Variants in PKD1L1 observed in about 807,000 individuals in gnomAD.
PKD1L1 encodes the protein polycystin 1 like 1, transient receptor potential channel interacting, also known as polycystin-1-like protein 1.
Under a neutral mutation model 323.4 loss-of-function variants are expected in PKD1L1, and 236 were observed. The observed-to-expected ratio is 0.73, with a 90% CI of 0.66 to 0.81. PKD1L1 has a LOEUF of 0.81. Among genes scored for constraint, PKD1L1 ranks in the 40% least tolerant of loss-of-function variants. The pLI, the probability that PKD1L1 is intolerant of heterozygous loss-of-function variation, is 0.00. For missense variants in PKD1L1, 3,320 were observed against 3,508.0 expected (o/e 0.95, Z 1.35); for synonymous variants, 1,344 against 1,335.0 (o/e 1.01, Z -0.15).
At chr7:47,880,836 A>C (rs773135895) in intron 20 of PKD1L1, 31 bp from the exon 21 acceptor site, 2 of 1,566,518 alleles carry the variant, frequency 1.3e-6, no homozygotes, top group Middle Eastern at 1.7e-4. Context: ...CATGGAAATG[A>C]CAGTCAGTGG....
intron 41 of PKD1L1, among the ~76,000 whole-genome samples, chr7:47,832,359 G>A (rs1361164841): frequency 6.6e-6 from 1 of 152,224 alleles, no homozygotes. Context: ...ATCTACTGCT[G>A]ATACTTGTGC....
chr7:47,885,580 GC>G, intron 18 of PKD1L1, 105 bp downstream of exon 18: 3 of 1,418,986 alleles, frequency 2.1e-6, no homozygotes, highest in Non-Finnish European at 1.9e-6. Flanking sequence ...TGATTTAAAG[GC>G]CCATGTTGAT....
intron 10 of PKD1L1, among the ~76,000 whole-genome samples, 179 bp from the exon 11 acceptor site, chr7:47,905,504 C>T (rs1452122356): frequency 2.0e-5 from 3 of 152,188 alleles, no homozygotes; most frequent in African/African-American, 7.2e-5. Flanking sequence ...GCAGTGCTGG[C>T]CCTGGTTCAA....
intron 40 of PKD1L1, among the ~76,000 whole-genome samples, chr7:47,833,969 C>T (rs1785402401): frequency 6.6e-6 from 1 of 152,202 alleles, no homozygotes; most frequent in Non-Finnish European, 1.5e-5. Flanking sequence ...AGCAATCACC[C>T]CGAGCCTTGC....
chr7:47,831,453 C>A, intron 41 of PKD1L1, 101 bp from the exon 42 acceptor site: 2 of 1,428,800 alleles, frequency 1.4e-6, no homozygotes, highest in South Asian at 1.5e-5. Flanking sequence ...TAGGCTGGGT[C>A]GTAGGGTGCC....
intron 15 of PKD1L1, among the ~76,000 whole-genome samples, chr7:47,892,458 C>T (rs375403387): frequency 2.6e-5 from 4 of 152,006 alleles, no homozygotes; most frequent in African/African-American, 7.3e-5. Flanking sequence ...ACTGTGAGGA[C>T]GTTGGCTTTT....
intron 21 of PKD1L1, among the ~76,000 whole-genome samples, chr7:47,879,849 C>T (rs1461082865): frequency 1.4e-4 from 18 of 128,648 alleles, no homozygotes; most frequent in Non-Finnish European, 1.9e-4. Context: ...AGGAGAATGG[C>T]GTGAACCTGG....
intron 18 of PKD1L1, 40 bp from the exon 19 acceptor site, chr7:47,884,697 C>A: frequency 6.5e-7 from 1 of 1,546,160 alleles, no homozygotes; most frequent in South Asian, 1.1e-5. Context: ...CCTTTAAAAT[C>A]ACAGAATCCC....
At chr7:47,937,729 G>A (rs1479829465) in intron 3 of PKD1L1, among the ~76,000 whole-genome samples, 7 of 152,152 alleles carry the variant, frequency 4.6e-5, no homozygotes, top group South Asian at 2.1e-4. Context: ...GACTGGAAGT[G>A]AGATGGAGCC....
In PKD1L1 at chr7:47,839,704, G is replaced by A. The variant is rs1238927666; in HGVS notation, c.5553-42C>T. ...CAGCATCTCAGCCGGGTGGGTGACAGTGTGGTCCTGGCATCCCATCAGCCC... is the reference window on the plus strand; with the variant it reads ...CAGCATCTCAGCCGGGTGGGTGACAATGTGGTCCTGGCATCCCATCAGCCC... On this transcript the variant is annotated intron_variant, in intron 35 of 56. Transcript: ENST00000289672. The surrounding 1 kb of genome is among the most constrained non-coding windows in gnomAD (Gnocchi z 4.3). 7 of 1,534,234 alleles carry A rather than the reference G, an allele frequency of 4.6e-6. No homozygotes were observed. Among genetic ancestry groups the A allele is most frequent in the African/African-American group, 1.4e-5 (1 of 72,992 alleles).
intron 54 of PKD1L1, among the ~76,000 whole-genome samples, chr7:47,798,769 AAAAAAC>A (rs1784598346): frequency 3.7e-5 from 5 of 136,234 alleles, no homozygotes; most frequent in Admixed American, 3.0e-4. Context: ...AAAAAAAACA[AAAAAAC>A]CAAAAACAAA....
the PKD1L1 span, among the ~76,000 whole-genome samples, chr7:47,957,862 A>AAT: frequency 2.2e-4 from 30 of 134,664 alleles, no homozygotes; most frequent in Non-Finnish European, 3.0e-4. Context: ...ATTAAAAAAA[A>AAT]ATATATATAT....
chr7:47,873,565 T>G (rs973905159), intron 24 of PKD1L1, among the ~76,000 whole-genome samples: 9 of 148,934 alleles, frequency 6.0e-5, no homozygotes, highest in African/African-American at 2.2e-4. Context: ...GAGAATCACT[T>G]GAACCCGGGA....
rs763941058 is a variant in PKD1L1, at chr7:47,792,684, C to T, written c.8469G>A (p.Gly2823=). ...PLLEKTSNNT[G]EARTEESPLV... ...AGGGACTCTCTTCTGTCCTTGCCTCCCCTGTGTTGTTGGATGTTTTTTCCA... is the reference window on the plus strand; with the variant it reads ...AGGGACTCTCTTCTGTCCTTGCCTCTCCTGTGTTGTTGGATGTTTTTTCCA... The change falls in exon 56 of 57, where the codon GGG becomes GGA. Residue 2823 remains glycine (G), a synonymous_variant. Coordinates refer to ENST00000289672, the MANE Select transcript of PKD1L1 (RefSeq NM_138295.5). 1.7e-5 allele frequency: 28 copies of T among 1,613,908 alleles called. No homozygotes were observed. The highest frequency in any genetic ancestry group is 2.3e-5 in the Non-Finnish European group (27 of 1,179,980).
intron 21 of PKD1L1, among the ~76,000 whole-genome samples, chr7:47,880,035 G>A (rs1315352455): frequency 2.0e-5 from 3 of 151,238 alleles, no homozygotes; most frequent in South Asian, 2.1e-4. Flanking sequence ...TCTGCAAAAC[G>A]ATGATCTCAG....
intron 48 of PKD1L1, chr7:47,813,536 A>G: frequency 1.5e-6 from 1 of 688,232 alleles, no homozygotes; most frequent in South Asian, 1.5e-5. Context: ...TAAGGCTTAG[A>G]CCACTTGAAG....
chr7:47,836,979 GAGA>G lies in PKD1L1; in HGVS notation c.5882_5884del (p.Phe1961del). The stretch of plus-strand genomic sequence containing the variant: ...GAGACACGCGTAGACGCACAGCAGG[GAGA>G]AGGACACGGTGAGGCGCGGCGTGTG... On this transcript the variant is annotated inframe_deletion, in exon 37 of 57. Transcript: ENST00000289672. 6 of 1,614,250 alleles carry G rather than the reference GAGA, an allele frequency of 3.7e-6. No individual in the cohort carries two copies. The highest frequency in any genetic ancestry group is 5.1e-6 in the Non-Finnish European group (6 of 1,180,050).
At chr7:47,899,759 A>G (rs752827932) in intron 13 of PKD1L1, among the ~76,000 whole-genome samples, 1 of 152,100 alleles carries the variant, frequency 6.6e-6, no homozygotes, top group African/African-American at 2.4e-5. Context: ...GATCAAGACC[A>G]TCCTGGCTAA....
At chr7:47,798,994 T>A (rs1784603369) in intron 54 of PKD1L1, among the ~76,000 whole-genome samples, 3 of 152,218 alleles carry the variant, frequency 2.0e-5, no homozygotes, top group African/African-American at 7.2e-5. Context: ...ACATATCCAA[T>A]TTAAAAACTG....
Sources: gnomAD v4.1 joint callset for allele counts (sites outside exome capture counted in the v4.1 genomes callset) on GRCh38, gnomAD v4.1.1 for gene constraint, Gnocchi (gnomAD v3.1) non-coding constraint, MANE v1.5 for transcripts, NCBI Gene and HGNC (gene_info 2026-07-23, HGNC 2026-07-21) for gene names.